Variants in FAM117B observed in about 807,000 individuals in gnomAD.
FAM117B encodes protein FAM117B.
In FAM117B, 22 loss-of-function variants were observed where a neutral mutation model predicts 52.8. The ratio of observed to expected loss-of-function variants is 0.42; its 90% confidence interval spans 0.30 to 0.59. The LOEUF is 0.59. Among genes scored for constraint, FAM117B ranks in the 20% least tolerant of loss-of-function variants. The probability of loss-of-function intolerance (pLI) is 0.22; values close to 1 mark genes in which losing one functional copy is unlikely to be tolerated. For synonymous variants in FAM117B, 309 were observed against 324.1 expected, an observed-to-expected ratio of 0.95 and a Z score of 0.50; for missense variants, 678 against 802.6, an observed-to-expected ratio of 0.84 and a Z score of 1.88.
intron 1 of FAM117B, among the ~76,000 whole-genome samples, chr2:202,684,338 C>T (rs1388002607): frequency 6.6e-6 from 1 of 152,116 alleles, no homozygotes; most frequent in Non-Finnish European, 1.5e-5. Flanking sequence ...CAAATTTGCC[C>T]ACTAGCTAAA....
At position 202,726,305 on chromosome 2, in the gene FAM117B, G is replaced by A. The variant is rs899946344; in HGVS notation, c.902G>A (p.Arg301Gln). ...QRSKHSSRHH[R>Q]DKERQSPFHG... ...AGTAAACACAGCAGTCGGCATCATC[G>A]AGATAAAGAAAGACAGTCTCCATTT... The change falls in exon 4 of 8, where the codon CGA (arginine) becomes CAA (glutamine). Residue 301 changes from arginine to glutamine, a missense_variant. Coordinates refer to ENST00000392238, the MANE Select transcript of FAM117B (RefSeq NM_173511.4). 2.5e-6 allele frequency: 4 copies of A among 1,613,746 alleles called. No homozygotes were observed. The highest frequency in any genetic ancestry group is 3.4e-6 in the Non-Finnish European group (4 of 1,179,932).
In FAM117B at chr2:202,669,175, T is replaced by G. The variant is rs1004468229; in HGVS notation, c.602-26706T>G. On this transcript the variant is annotated intron_variant, in intron 1 of 7. Transcript: ENST00000392238. ...TTGTAAAATGGTGTTAGGGACAGATTTTTTTTAGTCTTTTAAACCCACATC... is the reference window on the plus strand; with the variant it reads ...TTGTAAAATGGTGTTAGGGACAGATGTTTTTTAGTCTTTTAAACCCACATC... Among the ~76,000 whole-genome samples the G allele has an allele frequency of 4.6e-5, 7 of 152,112 alleles. No individual in the cohort carries two copies. The South Asian group carries it at 1.0e-3, about 23-fold the overall frequency.
intron 5 of FAM117B, among the ~76,000 whole-genome samples, chr2:202,756,722 C>T (rs1691805295): frequency 6.6e-6 from 1 of 152,178 alleles, no homozygotes; most frequent in Admixed American, 6.5e-5. Context: ...ACAGGCTTTC[C>T]TCTGTGTGTG....
In FAM117B at chr2:202,699,433, AAAAAAAAAAAAAAAAG is replaced by A. The variant is rs1394585808; in HGVS notation, c.753+3421_753+3436del. 8.3e-3 allele frequency among the ~76,000 whole-genome samples: 1,119 copies of A among 134,076 alleles called. 9 individuals are homozygous for A. Among genetic ancestry groups the A allele is most frequent in the South Asian group, 0.02 (83 of 4,084 alleles). 88.0% of individuals were successfully genotyped at this position (134,076 alleles called of 152,430 possible). On this transcript the variant is annotated intron_variant, in intron 2 of 7. Coordinates refer to ENST00000392238, the MANE Select transcript of FAM117B (RefSeq NM_173511.4). ...CAGAGTGAGACCCCATCTCAAAAAA[AAAAAAAAAAAAAAAAG>A]AAAAAAAAAAAAAAAGAAAGAAAGA...
At chr2:202,741,417 A>AAAG (rs1491221043) in intron 4 of FAM117B, among the ~76,000 whole-genome samples, 14 of 15,600 alleles carry the variant, frequency 9.0e-4, no homozygotes, top group African/African-American at 2.5e-3. Context: ...ACTCTGTCTC[A>AAAG]AAAAAAAAAA....
intron 1 of FAM117B, among the ~76,000 whole-genome samples, chr2:202,687,048 G>A (rs1453202297): frequency 1.3e-5 from 2 of 152,138 alleles, no homozygotes; most frequent in African/African-American, 4.8e-5. Context: ...CCAAAGACCT[G>A]AGAACCAGAA....
At chr2:202,669,273 C>T (rs183897383) in intron 1 of FAM117B, among the ~76,000 whole-genome samples, 1 of 152,196 alleles carries the variant, frequency 6.6e-6, no homozygotes, top group Non-Finnish European at 1.5e-5. Flanking sequence ...ATTAAAACAG[C>T]AGTGATTCTA....
intron 1 of FAM117B, among the ~76,000 whole-genome samples, chr2:202,648,175 T>A (rs1041029939): frequency 6.6e-6 from 1 of 152,152 alleles, no homozygotes; most frequent in Non-Finnish European, 1.5e-5. Context: ...TCCAGTTGTT[T>A]CTTTGTATAA....
intron 1 of FAM117B, among the ~76,000 whole-genome samples, chr2:202,650,435 A>G (rs937609349): frequency 1.3e-5 from 2 of 152,188 alleles, no homozygotes; most frequent in African/African-American, 4.8e-5. Context: ...AAAAGTAATA[A>G]AAATATGGAA....
At chr2:202,691,649 T>TTGTGTGTGTGTGTGTATGTG (rs1360538629) in intron 1 of FAM117B, among the ~76,000 whole-genome samples, 21 of 126,882 alleles carry the variant, frequency 1.7e-4, no homozygotes, top group Middle Eastern at 4.2e-3. Flanking sequence ...CCAGTTTACA[T>TTGTGTGTGTGTGTGTATGTG]TGTGTGTGTG....
At chr2:202,726,401 T>C (rs1691246305) in intron 4 of FAM117B, 38 bp downstream of exon 4, 2 of 1,477,584 alleles carry the variant, frequency 1.4e-6, no homozygotes, top group Non-Finnish European at 1.9e-6. Context: ...GAAAAGGAAT[T>C]TGTTGTTTTT....
chr2:202,706,093 C>A (rs974631917), intron 2 of FAM117B, among the ~76,000 whole-genome samples: 1 of 152,092 alleles, frequency 6.6e-6, no homozygotes, highest in Non-Finnish European at 1.5e-5. Context: ...GCATAATCAC[C>A]GTGCACTATA....
intron 1 of FAM117B, among the ~76,000 whole-genome samples, chr2:202,688,904 C>T (rs527274602): frequency 1.6e-4 from 25 of 152,260 alleles, no homozygotes; most frequent in African/African-American, 6.0e-4. Flanking sequence ...TACCTATCTG[C>T]TGTGAAAGTG....
chr2:202,644,064 GTTTTTTTTTTTTTTTT>G (rs1161026426), intron 1 of FAM117B, among the ~76,000 whole-genome samples: 1 of 95,138 alleles, frequency 1.1e-5, no homozygotes, highest in Non-Finnish European at 1.9e-5. Flanking sequence ...TTTTTTTTTT[GTTTTTTTTTTTTTTTT>G]TTTTCAGTTT....
chr2:202,677,356 G>T (rs1470397597), intron 1 of FAM117B, among the ~76,000 whole-genome samples: 2 of 152,264 alleles, frequency 1.3e-5, no homozygotes, highest in Non-Finnish European at 1.5e-5. Flanking sequence ...GTGAGCCACC[G>T]TGCCCAGCCC....
intron 2 of FAM117B, among the ~76,000 whole-genome samples, chr2:202,708,425 A>G (rs1011267036): frequency 3.3e-5 from 5 of 152,210 alleles, no homozygotes; most frequent in Admixed American, 3.3e-4. Flanking sequence ...TGAATGCTTG[A>G]ATAATATTCC....
chr2:202,761,443 G>T (rs1198081055), intron 7 of FAM117B, among the ~76,000 whole-genome samples: 4 of 151,956 alleles, frequency 2.6e-5, no homozygotes, highest in African/African-American at 9.7e-5. Flanking sequence ...AGACCAGAGA[G>T]GTGTGTGTGT....
chr2:202,684,047 T>C (rs914113800), intron 1 of FAM117B, among the ~76,000 whole-genome samples: 2 of 152,034 alleles, frequency 1.3e-5, no homozygotes, highest in African/African-American at 4.8e-5. Flanking sequence ...TTGTATTTTT[T>C]GTAGAGACCA....
At chr2:202,759,397 CT>C (rs758716624) in intron 7 of FAM117B, 44 bp downstream of exon 7, 7,410 of 1,339,188 alleles carry the variant, frequency 5.5e-3, no homozygotes, top group Admixed American at 0.013. Context: ...CTATTATGAG[CT>C]TTTTTTTTTG....
Sources: allele counts gnomAD v4.1 joint callset (sites outside exome capture counted in the v4.1 genomes callset), GRCh38; gene constraint gnomAD v4.1.1; transcripts MANE v1.5; gene names NCBI Gene and HGNC (gene_info 2026-07-23, HGNC 2026-07-21).